Variants in FOXP1 observed in about 807,000 individuals in gnomAD.
FOXP1 encodes forkhead box P1, also known as forkhead box protein P1.
In FOXP1, 15 loss-of-function variants were observed where a neutral mutation model predicts 98.2. The observed-to-expected ratio is 0.15, with a 90% CI of 0.10 to 0.24. The LOEUF is 0.24. FOXP1 is among the 10% of genes least tolerant of loss of function. The pLI is 1.00. For synonymous variants in FOXP1, 371 were observed against 314.5 expected, an observed-to-expected ratio of 1.18 and a Z score of -1.90; for missense variants, 633 against 848.5, an observed-to-expected ratio of 0.75 and a Z score of 3.15.
At chr3:71,546,739 T>C (rs1291643817) in intron 2 of FOXP1, among the ~76,000 whole-genome samples, 2 of 151,760 alleles carry the variant, frequency 1.3e-5, no homozygotes, top group Non-Finnish European at 2.9e-5. Flanking sequence ...TCCTGGACAG[T>C]GAAGTCAGGG....
intron 5 of FOXP1, among the ~76,000 whole-genome samples, chr3:71,267,466 G>A (rs767249411): frequency 1.9e-4 from 29 of 152,308 alleles, no homozygotes; most frequent in Non-Finnish European, 3.4e-4. Flanking sequence ...AGGTGACTGA[G>A]CATAGAACTG....
intron 3 of FOXP1, among the ~76,000 whole-genome samples, chr3:71,373,299 A>G (rs1458506037): frequency 1.4e-5 from 2 of 147,986 alleles, no homozygotes; most frequent in African/African-American, 5.0e-5. Context: ...AGAGCATCCT[A>G]TATGCTCCAA....
chr3:71,141,282 A>G (rs1459761621), intron 6 of FOXP1, among the ~76,000 whole-genome samples: 6 of 151,116 alleles, frequency 4.0e-5, no homozygotes, highest in East Asian at 1.9e-4. Flanking sequence ...AAAAAAAAAA[A>G]AAAAGAAACT....
At chr3:71,512,749 C>T (rs1405907753) in intron 2 of FOXP1, among the ~76,000 whole-genome samples, 1 of 152,172 alleles carries the variant, frequency 6.6e-6, no homozygotes, top group East Asian at 1.9e-4. Flanking sequence ...TTCTCAGTTC[C>T]ATTCTGTCCC....
intron 2 of FOXP1, among the ~76,000 whole-genome samples, chr3:71,531,737 G>A (rs1397770621): frequency 6.6e-6 from 1 of 152,154 alleles, no homozygotes; most frequent in Non-Finnish European, 1.5e-5. Context: ...TGTTTGGGAT[G>A]GGCCAACAAG....
At chr3:71,467,934 T>C (rs2108572179) in intron 3 of FOXP1, among the ~76,000 whole-genome samples, 1 of 152,270 alleles carries the variant, frequency 6.6e-6, no homozygotes, top group South Asian at 2.1e-4. Flanking sequence ...GTTCCACAGA[T>C]TCCAATATGT....
At chr3:70,984,203 G>GTCTT (rs1327330433) in intron 14 of FOXP1, among the ~76,000 whole-genome samples, 2 of 152,198 alleles carry the variant, frequency 1.3e-5, no homozygotes, top group Non-Finnish European at 2.9e-5. Context: ...GCAGGGTCCA[G>GTCTT]TCTTTATAAA....
At chr3:71,501,284 AATGCTT>A (rs1339168100) in intron 2 of FOXP1, among the ~76,000 whole-genome samples, 1 of 73,664 alleles carries the variant, frequency 1.4e-5, no homozygotes, top group Admixed American at 1.2e-4. Flanking sequence ...CAAACTCTGA[AATGCTT>A]TTCTTTTTTT....
Position 71,027,297 on chromosome 3 carries a change from C to A in FOXP1, c.870-11644G>T, listed in dbSNP as rs147781073. On this transcript the variant is annotated intron_variant, in intron 11 of 20. Transcript: ENST00000649528. ...TCCAATATTAATTCTTATTTTCTTC[C>A]CCTCCCCAGTATGCTATGGAAGTCA... 8.5e-5 allele frequency among the ~76,000 whole-genome samples: 13 copies of A among 152,220 alleles called. No homozygotes were observed. The East Asian group carries it at 2.5e-3, about 29-fold the overall frequency.
chr3:71,533,778 G>C lies in FOXP1; in HGVS notation c.-297-40223C>G, dbSNP rs1051866392. On this transcript the variant is annotated intron_variant, in intron 2 of 20. Transcript: ENST00000649528. ...TTCTTTTGTTGAATGAATAATTAAA[G>C]TCTTCAGCCATTATGATGCAATCCT... 2.0e-5 allele frequency among the ~76,000 whole-genome samples: 3 copies of C among 152,238 alleles called. 1 individual carries two copies. The highest frequency in any genetic ancestry group is 6.8e-3 in the Middle Eastern group (2 of 294).
chr3:71,130,851 G>T (rs1305893880), intron 6 of FOXP1: 6 of 1,430,044 alleles, frequency 4.2e-6, no homozygotes, highest in Middle Eastern at 5.2e-4. Flanking sequence ...AGCACTTAAA[G>T]AAATCTATTA....
At chr3:71,379,683 A>G (rs984753905) in intron 3 of FOXP1, among the ~76,000 whole-genome samples, 15 of 152,306 alleles carry the variant, frequency 9.8e-5, no homozygotes, top group Admixed American at 9.2e-4. Context: ...TGCTGTGTCC[A>G]TAAATGGAGT....
At chr3:71,283,729 T>C (rs1413663749) in intron 5 of FOXP1, among the ~76,000 whole-genome samples, 1 of 152,224 alleles carries the variant, frequency 6.6e-6, no homozygotes, top group Non-Finnish European at 1.5e-5. Flanking sequence ...CCTTTTGGTT[T>C]TTTTATGTTT....
intron 2 of FOXP1, among the ~76,000 whole-genome samples, chr3:71,508,927 T>C (rs2107293734): frequency 6.6e-6 from 1 of 152,192 alleles, no homozygotes; most frequent in South Asian, 2.1e-4. Flanking sequence ...GCTCACAGGA[T>C]TGTGGTGAGG....
intron 2 of FOXP1, chr3:71,573,472 A>T (rs892431491): frequency 6.6e-6 from 1 of 152,160 alleles, no homozygotes; most frequent in Admixed American, 6.5e-5. Context: ...TTCTACAAGT[A>T]TAAGAATTTG....
intron 7 of FOXP1, among the ~76,000 whole-genome samples, chr3:71,096,941 A>C (rs900909810): frequency 3.3e-5 from 5 of 152,184 alleles, no homozygotes; most frequent in Non-Finnish European, 7.3e-5. Flanking sequence ...TAACACAATG[A>C]AAAGGAAGGA....
intron 2 of FOXP1, among the ~76,000 whole-genome samples, chr3:71,557,385 T>TA (rs778929848): frequency 0.039 from 5,119 of 130,444 alleles, 250 homozygotes; most frequent in African/African-American, 0.12. Flanking sequence ...TTAAAAAAAG[T>TA]AAAAAAAAAA....
chr3:71,090,968 A>G (rs2055748853), intron 7 of FOXP1, among the ~76,000 whole-genome samples: 1 of 152,194 alleles, frequency 6.6e-6, no homozygotes, highest in Non-Finnish European at 1.5e-5. Context: ...ATAAAATTCA[A>G]TTTTTTGTGT....
intron 4 of FOXP1, among the ~76,000 whole-genome samples, chr3:71,308,898 T>A (rs1383890056): frequency 6.6e-6 from 1 of 151,910 alleles, no homozygotes; most frequent in African/African-American, 2.4e-5. Context: ...ATCTTAAATA[T>A]CCCTTGCCAC....
Sources: allele counts gnomAD v4.1 joint callset (sites outside exome capture counted in the v4.1 genomes callset), GRCh38; gene constraint gnomAD v4.1.1; transcripts MANE v1.5; gene names NCBI Gene and HGNC (gene_info 2026-07-23, HGNC 2026-07-21).